PPIG: variants seen among roughly 807,000 people sequenced by gnomAD.
PPIG encodes peptidylprolyl isomerase G.
In PPIG, 26 loss-of-function variants were observed where a neutral mutation model predicts 87.9. The observed-to-expected ratio is 0.30, with a 90% CI of 0.22 to 0.41. The LOEUF (loss-of-function observed/expected upper bound fraction) is 0.41. PPIG is among the 10% of genes least tolerant of loss of function. The pLI, the probability that PPIG is intolerant of heterozygous loss-of-function variation, is 1.00. For synonymous variants in PPIG, 308 were observed against 276.5 expected, an observed-to-expected ratio of 1.11 and a Z score of -1.13; for missense variants, 722 against 879.4, an observed-to-expected ratio of 0.82 and a Z score of 2.26.
chr2:169,633,435 T>C (rs1686108508), intron 12 of PPIG, 188 bp downstream of exon 12: 2 of 624,462 alleles, frequency 3.2e-6, no homozygotes, highest in Admixed American at 6.3e-5. Context: ...AGAAAATCCA[T>C]GAGATATGAA....
intron 1 of PPIG, among the ~76,000 whole-genome samples, chr2:169,603,174 CTG>C (rs1222574788): frequency 4.6e-5 from 7 of 152,018 alleles, no homozygotes; most frequent in African/African-American, 1.2e-4. Context: ...GCATATGAAA[CTG>C]TCATTTTTAG....
chr2:169,589,179 G>T (rs1684791545), intron 1 of PPIG, among the ~76,000 whole-genome samples: 1 of 152,024 alleles, frequency 6.6e-6, no homozygotes, highest in Non-Finnish European at 1.5e-5. Context: ...GTTTTCTAGA[G>T]GATTTAAGAA....
rs1686300247 is a variant in PPIG, at chr2:169,641,060, C to CGAAGA, written c.*3537_*3538insGAAGA. ...AAAGCACATGCTGTATATTTTCTTC[C>CGAAGA]CCTTTTGTGTGTATATAGTATTTTG... On this transcript the variant is annotated 3_prime_UTR_variant, in exon 14 of 14. Transcript: ENST00000260970. 6.6e-6 allele frequency: 1 copy of CGAAGA among 151,978 alleles called. No individual in the cohort carries two copies. The highest frequency in any genetic ancestry group is 1.5e-5 in the Non-Finnish European group (1 of 67,988). The allele number at this position is 151,978 out of a possible 1,614,324, so 9.4% of individuals were successfully genotyped here. A position where few individuals can be genotyped will look rare whatever the true frequency, so the allele number is the denominator to read the frequency against.
intron 1 of PPIG, among the ~76,000 whole-genome samples, chr2:169,585,399 C>T (rs1684673361): frequency 6.6e-6 from 1 of 151,382 alleles, no homozygotes; most frequent in South Asian, 2.1e-4. Context: ...GTAGCTGGGA[C>T]TACAGGCACG....
chr2:169,627,208 C>T (rs749426165), intron 9 of PPIG, among the ~76,000 whole-genome samples: 1 of 152,082 alleles, frequency 6.6e-6, no homozygotes, highest in South Asian at 2.1e-4. Context: ...AAGCGATTCT[C>T]GTACCTCAGC....
chr2:169,630,143 T>C (rs879779607), intron 9 of PPIG, among the ~76,000 whole-genome samples: 11 of 25,418 alleles, frequency 4.3e-4, no homozygotes, highest in African/African-American at 2.5e-3. Context: ...AACTCTGAGT[T>C]TTTTTTTTTT....
chr2:169,632,050 T>C, intron 11 of PPIG, 117 bp downstream of exon 11: 1 of 1,273,388 alleles, frequency 7.9e-7, no homozygotes, highest in Non-Finnish European at 1.0e-6. Flanking sequence ...TGAAATCTTT[T>C]TTATAAAATG....
At chr2:169,597,444 TCACCATG>T (rs1208866260) in intron 1 of PPIG, among the ~76,000 whole-genome samples, 3 of 151,752 alleles carry the variant, frequency 2.0e-5, no homozygotes, top group Non-Finnish European at 4.4e-5. Context: ...CAGGTGCACG[TCACCATG>T]CCTGGCCCCA....
intron 5 of PPIG, among the ~76,000 whole-genome samples, chr2:169,606,421 G>A (rs936504987): frequency 6.6e-6 from 1 of 151,892 alleles, no homozygotes; most frequent in Non-Finnish European, 1.5e-5. Context: ...GTGAAACCCT[G>A]CCTCTACTAA....
At chr2:169,600,491 T>C (rs909712741) in intron 1 of PPIG, among the ~76,000 whole-genome samples, 1 of 152,180 alleles carries the variant, frequency 6.6e-6, no homozygotes, top group African/African-American at 2.4e-5. Flanking sequence ...GTTTGCAATA[T>C]ACTTACCAGT....
At chr2:169,636,378 A>G (rs199744048) in intron 13 of PPIG, 35 bp from the exon 14 acceptor site, 1,007 of 1,489,840 alleles carry the variant, frequency 6.8e-4, no homozygotes, top group Non-Finnish European at 8.7e-4. Context: ...TCTTTTCCTA[A>G]TAACATTTCC....
chr2:169,636,760 A>C lies in PPIG; in HGVS notation c.1502A>C (p.Glu501Ala). 6.2e-7 allele frequency: 1 copy of C among 1,612,374 alleles called. No homozygotes were observed. Among genetic ancestry groups the C allele is most frequent in the Admixed American group, 1.7e-5 (1 of 59,704 alleles). Residue 501 changes from glutamate (E) to alanine (A), a missense_variant, in exon 14 of 14, where the codon GAA becomes GCA. Physicochemically the swap from Glu to Ala is moderately radical, Grantham distance 107. This residue lies in a region of PPIG where 476 missense variants were observed against 483.1 expected (regional missense o/e 0.99). Transcript: ENST00000260970. ...GATCATGAAAATGTTAAAGAAAAAG[A>C]AAAGCAGTCTGATTCTAAAGGAAAA... ...GRDHENVKEK[E>A]KQSDSKGKDQ...
At chr2:169,628,574 C>T (rs1685955263) in intron 9 of PPIG, among the ~76,000 whole-genome samples, 1 of 152,106 alleles carries the variant, frequency 6.6e-6, no homozygotes, top group Non-Finnish European at 1.5e-5. Context: ...ACTCAGGAGA[C>T]TGAGAGAAAG....
chr2:169,599,801 G>C (rs1302384602), intron 1 of PPIG, among the ~76,000 whole-genome samples: 2 of 152,172 alleles, frequency 1.3e-5, no homozygotes, highest in Non-Finnish European at 2.9e-5. Context: ...CCTACTCAAT[G>C]AATTGCCCTA....
At chr2:169,606,202 T>G (rs879941641) in intron 5 of PPIG, 56 bp downstream of exon 5, 27 of 1,286,914 alleles carry the variant, frequency 2.1e-5, no homozygotes, top group Non-Finnish European at 3.0e-5. Context: ...GATCTCAAAG[T>G]TAGACAAGTC....
At chr2:169,586,932 TTTTA>T (rs1684719998) in intron 1 of PPIG, among the ~76,000 whole-genome samples, 1 of 152,232 alleles carries the variant, frequency 6.6e-6, no homozygotes, top group East Asian at 1.9e-4. Flanking sequence ...TGCTTTTTGC[TTTTA>T]TTTATTTATT....
intron 12 of PPIG, among the ~76,000 whole-genome samples, chr2:169,634,862 C>T (rs1686143560): frequency 6.6e-6 from 1 of 152,104 alleles, no homozygotes; most frequent in African/African-American, 2.4e-5. Context: ...AATCTCAGTA[C>T]CTCTTTCATG....
chr2:169,633,296 C>A, intron 12 of PPIG, 49 bp downstream of exon 12: 2 of 1,371,360 alleles, frequency 1.5e-6, no homozygotes, highest in Non-Finnish European at 2.1e-6. Flanking sequence ...ATTTGTCTTC[C>A]TTAAATAATT....
Position 169,639,539 on chromosome 2 carries a change from A to G in PPIG, c.*2016A>G, listed in dbSNP as rs1326234410. 1 of 152,084 alleles carries G rather than the reference A, an allele frequency of 6.6e-6. No individual in the cohort carries two copies. The highest frequency in any genetic ancestry group is 2.4e-5 in the African/African-American group (1 of 41,444). The allele number at this position is 152,084 out of a possible 1,614,324, so 9.4% of individuals were successfully genotyped here. ...AGAGTTTCAAAAAGTAACCATAGGG[A>G]AAAAAATTGTAGTAATTTCTATAGG... On this transcript the variant is annotated 3_prime_UTR_variant, in exon 14 of 14. Coordinates refer to ENST00000260970, the MANE Select transcript of PPIG (RefSeq NM_004792.3).
Sources: gnomAD v4.1 joint callset for allele counts (sites outside exome capture counted in the v4.1 genomes callset) on GRCh38, gnomAD v4.1.1 for gene constraint, gnomAD v4.1.1 regional missense constraint, MANE v1.5 for transcripts, NCBI Gene and HGNC (gene_info 2026-07-23, HGNC 2026-07-21) for gene names.